Variants in PTPRZ1 observed in about 807,000 individuals in gnomAD.
PTPRZ1 encodes the protein receptor-type tyrosine-protein phosphatase zeta.
Under a neutral mutation model 214.1 loss-of-function variants are expected in PTPRZ1, and 82 were observed. That is an observed-to-expected ratio of 0.38 (90% CI 0.32 to 0.46). PTPRZ1 has a LOEUF of 0.46. PTPRZ1 is among the 20% of genes least tolerant of loss of function. The pLI, the probability that PTPRZ1 is intolerant of heterozygous loss-of-function variation, is 1.00. For synonymous variants in PTPRZ1, 945 were observed against 987.9 expected (o/e 0.96, Z 0.81); for missense variants, 2,603 against 2,748.7 (o/e 0.95, Z 1.19).
intron 2 of PTPRZ1, among the ~76,000 whole-genome samples, chr7:121,934,821 C>G (rs1796025649): frequency 6.6e-6 from 1 of 152,106 alleles, no homozygotes; most frequent in South Asian, 2.1e-4. Flanking sequence ...ATATTCTGGT[C>G]AAACTTTTTC....
intron 1 of PTPRZ1, among the ~76,000 whole-genome samples, chr7:121,905,816 A>G (rs1220043218): frequency 6.6e-6 from 1 of 152,166 alleles, no homozygotes; most frequent in Non-Finnish European, 1.5e-5. Flanking sequence ...TTTTTTTGAT[A>G]GATCACCTGG....
intron 1 of PTPRZ1, among the ~76,000 whole-genome samples, chr7:121,889,681 A>G (rs1464401923): frequency 1.3e-5 from 2 of 152,044 alleles, no homozygotes; most frequent in African/African-American, 4.8e-5. Flanking sequence ...AGTTTTCTAT[A>G]GTCACTATCT....
chr7:121,906,903 G>GT (rs1211598924), intron 1 of PTPRZ1, among the ~76,000 whole-genome samples: 3 of 152,122 alleles, frequency 2.0e-5, no homozygotes, highest in Non-Finnish European at 4.4e-5. Flanking sequence ...ATATGGAATA[G>GT]TAAGTTATTA....
At chr7:121,958,433 C>G (rs1053528881) in intron 2 of PTPRZ1, among the ~76,000 whole-genome samples, 1 of 152,204 alleles carries the variant, frequency 6.6e-6, no homozygotes, top group African/African-American at 2.4e-5. Flanking sequence ...TTTGGTGCCA[C>G]TGCTCCCCTT....
At chr7:122,036,450 C>T (rs1584764863) in intron 17 of PTPRZ1, 150 bp from the exon 18 acceptor site, 2 of 596,092 alleles carry the variant, frequency 3.4e-6, no homozygotes, top group Non-Finnish European at 2.9e-6. Context: ...GTTTTCTTTG[C>T]TGTCTCTGTA....
intron 6 of PTPRZ1, among the ~76,000 whole-genome samples, chr7:121,977,713 T>A (rs77034193): frequency 0.055 from 8,380 of 151,830 alleles, 276 homozygotes; most frequent in East Asian, 0.093. Flanking sequence ...GCTTTTATTT[T>A]TTTTTTTTTT....
intron 20 of PTPRZ1, among the ~76,000 whole-genome samples, chr7:122,039,989 A>AG (rs1197347227): frequency 2.0e-5 from 3 of 151,948 alleles, no homozygotes; most frequent in Non-Finnish European, 4.4e-5. Flanking sequence ...CAAAAAAAAA[A>AG]GAAAAGAAAA....
chr7:121,895,126 A>G (rs1794749967), intron 1 of PTPRZ1, among the ~76,000 whole-genome samples: 1 of 152,196 alleles, frequency 6.6e-6, no homozygotes, highest in South Asian at 2.1e-4. Flanking sequence ...TTAAAAGGGT[A>G]TATTATTTCT....
At chr7:121,926,298 C>T (rs1795760585) in intron 1 of PTPRZ1, among the ~76,000 whole-genome samples, 1 of 83,932 alleles carries the variant, frequency 1.2e-5, no homozygotes, top group Non-Finnish European at 2.2e-5. Context: ...GAGCAAGATT[C>T]TGTCAAAAAA....
chr7:122,008,789 A>G (rs1798563987), intron 11 of PTPRZ1, among the ~76,000 whole-genome samples: 1 of 152,160 alleles, frequency 6.6e-6, no homozygotes, highest in Non-Finnish European at 1.5e-5. Context: ...CAAGCTTAAC[A>G]TTGATCCCCA....
chr7:122,026,248 A>G (rs1286490587), intron 13 of PTPRZ1, among the ~76,000 whole-genome samples: 1 of 152,198 alleles, frequency 6.6e-6, no homozygotes, highest in Non-Finnish European at 1.5e-5. Flanking sequence ...TAGGTTAGAG[A>G]TGCTGTTGAA....
Position 122,011,724 on chromosome 7 carries a change from G to T in PTPRZ1, c.2678G>T (p.Gly893Val), listed in dbSNP as rs779280823. 2.5e-6 allele frequency: 4 copies of T among 1,614,146 alleles called. No individual in the cohort carries two copies. Among genetic ancestry groups the T allele is most frequent in the African/African-American group, 1.3e-5 (1 of 75,036 alleles). Reference sequence around the variant, plus strand: ...GCTGCTTCAGAGACGCTGGAATTTGGTAGTGAATCTGGTGTTCTTTATAAA... The same window carrying T: ...GCTGCTTCAGAGACGCTGGAATTTGTTAGTGAATCTGGTGTTCTTTATAAA... ...THAASETLEF[G>V]SESGVLYKTL... The change falls in exon 12 of 30, where the codon GGT becomes GTT. Residue 893 changes from glycine to valine, a missense_variant. By Grantham distance (109) the Gly-to-Val change is moderately radical. Transcript: ENST00000393386.
chr7:121,928,204 T>C lies in PTPRZ1; in HGVS notation c.107T>C (p.Ile36Thr). The C allele has an allele frequency of 6.2e-7, 1 of 1,612,154 alleles. No individual in the cohort carries two copies. Among genetic ancestry groups the C allele is most frequent in the Admixed American group, 1.7e-5 (1 of 60,008 alleles). Residue 36 changes from isoleucine to threonine, a missense_variant, in exon 2 of 30, where the codon ATT becomes ACT. Ile to Thr is a moderately conservative substitution (Grantham distance 89, BLOSUM62 -1). This residue lies in a region of PTPRZ1 where 141 missense variants were observed against 143.7 expected (regional missense o/e 0.98). Transcript: ENST00000393386. ...CAACAGAGAAAACTTGTTGAAGAGA[T>C]TGGCTGGTCCTATACAGGTAAACAT... ...YRQQRKLVEE[I>T]GWSYTGALNQ...
At position 122,013,994 on chromosome 7, in the gene PTPRZ1, T is replaced by C. The variant is rs980184462; in HGVS notation, c.4843+105T>C. The C allele has an allele frequency of 1.8e-5, 17 of 958,122 alleles. No homozygotes were observed. In the African/African-American group the frequency reaches 2.5e-4, roughly 14 times the overall value. 59.4% of individuals were successfully genotyped at this position (958,122 alleles called of 1,614,324 possible). A position where few individuals can be genotyped will look rare whatever the true frequency, so the allele number is the denominator to read the frequency against. ...AGAAATTTGGTAAAATGGTACATCA[T>C]CATTTTTAAAATCAAAACATTCAAC... On this transcript the variant is annotated intron_variant, in intron 12 of 29. Transcript: ENST00000393386.
At position 122,040,858 on chromosome 7, in the gene PTPRZ1, T is replaced by C. The variant is rs2150478807; in HGVS notation, c.5680T>C (p.Tyr1894His). Reference sequence around the variant, plus strand: ...ACCCAGTGGACGTGTGGTCACACAGTATCACTACACGCAGTGGCCTGACAT... The same window carrying C: ...ACCCAGTGGACGTGTGGTCACACAGCATCACTACACGCAGTGGCCTGACAT... Reference protein sequence around the residue: ...GRPSGRVVTQYHYTQWPDMGV... With the variant: ...GRPSGRVVTQHHYTQWPDMGV... The change falls in exon 21 of 30, where the codon TAT (tyrosine) becomes CAT (histidine). Residue 1894 changes from tyrosine (Y) to histidine (H), a missense_variant. Tyr to His is a moderately conservative substitution (Grantham distance 83). Transcript: ENST00000393386. 6.2e-7 allele frequency: 1 copy of C among 1,600,424 alleles called. No individual in the cohort carries two copies. Among genetic ancestry groups the C allele is most frequent in the South Asian group, 1.1e-5 (1 of 90,264 alleles).
chr7:122,034,917 G>A (rs1225435941), intron 17 of PTPRZ1, among the ~76,000 whole-genome samples: 1 of 151,666 alleles, frequency 6.6e-6, no homozygotes, highest in East Asian at 1.9e-4. Flanking sequence ...GCAGCTATCT[G>A]GCTTTTTTCA....
At chr7:121,891,166 G>T (rs1424286345) in intron 1 of PTPRZ1, among the ~76,000 whole-genome samples, 7 of 151,886 alleles carry the variant, frequency 4.6e-5, no homozygotes, top group African/African-American at 1.7e-4. Flanking sequence ...ACTTCCTTTG[G>T]TTTTTGTTCA....
chr7:121,948,956 A>G (rs1159715752), intron 2 of PTPRZ1, among the ~76,000 whole-genome samples: 1 of 152,182 alleles, frequency 6.6e-6, no homozygotes. Context: ...TAATTTAAAA[A>G]GTTTATCTTG....
chr7:122,004,653 T>A lies in PTPRZ1; in HGVS notation c.1280T>A (p.Ile427Lys). 7.3e-7 allele frequency: 1 copy of A among 1,360,728 alleles called. No individual in the cohort carries two copies. The highest frequency in any genetic ancestry group is 1.0e-6 in the Non-Finnish European group (1 of 977,418). The allele number at this position is 1,360,728 out of a possible 1,614,324, so 84.3% of individuals were successfully genotyped here. The change falls in exon 11 of 30, where the codon ATA becomes AAA. Residue 427 changes from isoleucine to lysine, a missense_variant. Ile to Lys is a moderately radical substitution (Grantham distance 102). Transcript: ENST00000393386. Reference sequence around the variant, plus strand: ...CCTGAATTAATTGGAACTGAAGAAATAATCAAGGTATCATAGCCATTTTTA... The same window carrying A: ...CCTGAATTAATTGGAACTGAAGAAAAAATCAAGGTATCATAGCCATTTTTA... ...LFPELIGTEE[I>K]IKEEEEGKDI... is the part of the protein sequence containing the mutation.
Sources: allele counts gnomAD v4.1 joint callset (sites outside exome capture counted in the v4.1 genomes callset), GRCh38; gene constraint gnomAD v4.1.1; regional missense constraint gnomAD v4.1.1; transcripts MANE v1.5; gene names NCBI Gene and HGNC (gene_info 2026-07-23, HGNC 2026-07-21).